Variants in DNM3 observed in about 807,000 individuals in gnomAD.
The protein encoded by DNM3 is dynamin 3.
In DNM3, 47 loss-of-function variants were observed where a neutral mutation model predicts 101.6. The ratio of observed to expected loss-of-function variants is 0.46; its 90% CI spans 0.37 to 0.59. The LOEUF is 0.59. Ranked by LOEUF, DNM3 falls within the 20% of genes least tolerant of loss-of-function variation. The pLI, the probability that DNM3 is intolerant of heterozygous loss-of-function variation, is 0.00. For synonymous variants in DNM3, 385 were observed against 387.9 expected (o/e 0.99, Z 0.09); for missense variants, 849 against 1,085.7 (o/e 0.78, Z 3.06).
In DNM3 at chr1:171,894,689, A is replaced by G. The variant is rs545630988; in HGVS notation, c.162-27059A>G. Among the ~76,000 whole-genome samples, 544 of 151,942 alleles carry G rather than the reference A, an allele frequency of 3.6e-3. 7 individuals carry two copies. The highest frequency in any genetic ancestry group is 0.012 in the African/African-American group (514 of 41,430). On this transcript the variant is annotated intron_variant, in intron 1 of 20. Coordinates refer to ENST00000627582, the MANE Select transcript of DNM3 (RefSeq NM_015569.5). ...CCATGTTGGTTTGTTGCACCCATCA[A>G]CTCGTCATTTACATTAGGTATTTCT...
At chr1:172,058,001 T>C (rs931774323) in intron 10 of DNM3, among the ~76,000 whole-genome samples, 1 of 142,124 alleles carries the variant, frequency 7.0e-6, no homozygotes, top group Non-Finnish European at 1.5e-5. Context: ...TGGAGGAAGA[T>C]CTACCAAGCA....
intron 16 of DNM3, among the ~76,000 whole-genome samples, chr1:172,319,912 G>A (rs1454105875): frequency 6.6e-6 from 1 of 152,018 alleles, no homozygotes; most frequent in Non-Finnish European, 1.5e-5. Flanking sequence ...AAATCATGCT[G>A]CTATAAAGAC....
intron 14 of DNM3, among the ~76,000 whole-genome samples, chr1:172,195,536 A>T (rs1245020192): frequency 2.0e-5 from 3 of 151,830 alleles, no homozygotes; most frequent in Non-Finnish European, 2.9e-5. Flanking sequence ...TCTCACCATT[A>T]AGTATGATGT....
chr1:171,997,156 A>C (rs778627660), intron 4 of DNM3, among the ~76,000 whole-genome samples: 4 of 152,188 alleles, frequency 2.6e-5, no homozygotes, highest in African/African-American at 7.2e-5. Context: ...AGAACTTATA[A>C]ATTTAATAAG....
At chr1:172,412,993 G>A (rs2071297306), downstream of DNM3, among the ~76,000 whole-genome samples, 1 of 152,176 alleles carries the variant, frequency 6.6e-6, no homozygotes, top group Non-Finnish European at 1.5e-5. Context: ...CTTAGCAGGA[G>A]GGTATGATGT....
At chr1:172,254,417 A>G (rs1452441111) in intron 15 of DNM3, among the ~76,000 whole-genome samples, 1 of 152,208 alleles carries the variant, frequency 6.6e-6, no homozygotes, top group South Asian at 2.1e-4. Context: ...AGAATTATTC[A>G]GTTATGGCAA....
intron 14 of DNM3, chr1:172,133,448 G>A: frequency 8.1e-6 from 8 of 985,298 alleles, no homozygotes; most frequent in Non-Finnish European, 9.6e-6. Flanking sequence ...GGTATGGTAT[G>A]GAGGGTAGTT....
At chr1:172,073,231 G>A (rs2052353262) in intron 11 of DNM3, among the ~76,000 whole-genome samples, 1 of 151,332 alleles carries the variant, frequency 6.6e-6, no homozygotes. Context: ...GTATATATGT[G>A]TGTATTTACA....
chr1:172,305,290 G>A (rs926441010), intron 15 of DNM3, among the ~76,000 whole-genome samples: 3 of 152,106 alleles, frequency 2.0e-5, no homozygotes, highest in Non-Finnish European at 2.9e-5. Flanking sequence ...TAGAAGAAAT[G>A]GATAAATTCC....
chr1:172,189,845 AG>A (rs896884348), intron 14 of DNM3, among the ~76,000 whole-genome samples: 39 of 152,032 alleles, frequency 2.6e-4, no homozygotes, highest in African/African-American at 8.9e-4. Flanking sequence ...GAAAGAGAGA[AG>A]GGGGAGGTCC....
At chr1:172,039,985 C>T (rs568478771) in intron 7 of DNM3, among the ~76,000 whole-genome samples, 82 of 152,040 alleles carry the variant, frequency 5.4e-4, no homozygotes, top group African/African-American at 1.9e-3. Context: ...TAAGGGAGCC[C>T]GGATGAGGAA....
intron 18 of DNM3, 43 bp from the exon 19 acceptor site, chr1:172,387,090 A>T: frequency 6.6e-7 from 1 of 1,514,400 alleles, no homozygotes; most frequent in Non-Finnish European, 9.2e-7. Flanking sequence ...CCACTCAGTC[A>T]CTCATTTATT....
rs573084611 is a variant in DNM3, at chr1:172,380,965, A to G, written c.2058+1783A>G. On this transcript the variant is annotated intron_variant, in intron 18 of 20. Coordinates refer to ENST00000627582, the MANE Select transcript of DNM3 (RefSeq NM_015569.5). ...CTATAGCTGTGAGGAGTAGCTTGAC[A>G]CAAATTAGCTAAAAGGAAAAAAAAA... 5 of 151,246 alleles carry G rather than the reference A, an allele frequency of 3.3e-5. No homozygotes were observed. In the South Asian group the frequency reaches 1.0e-3, roughly 32 times the overall value. The allele number at this position is 151,246 out of a possible 1,614,324, so 9.4% of individuals were successfully genotyped here.
intron 20 of DNM3, among the ~76,000 whole-genome samples, chr1:172,406,964 T>TA (rs1172970720): frequency 1.3e-5 from 2 of 151,728 alleles, no homozygotes; most frequent in African/African-American, 2.4e-5. Context: ...ACAAATACAC[T>TA]AAAAAAACTT....
At chr1:172,235,739 G>T (rs948580199) in intron 14 of DNM3, among the ~76,000 whole-genome samples, 4 of 151,868 alleles carry the variant, frequency 2.6e-5, no homozygotes, top group Non-Finnish European at 5.9e-5. Context: ...GCAAACTATC[G>T]CAAGGACAAA....
intron 13 of DNM3, among the ~76,000 whole-genome samples, 152 bp from the exon 14 acceptor site, chr1:172,131,023 C>T (rs530072930): frequency 7.0e-4 from 107 of 152,226 alleles, no homozygotes; most frequent in African/African-American, 2.5e-3. Context: ...AAGATAAATT[C>T]TCTTGAATAA....
At chr1:172,303,305 A>T (rs868494480) in intron 15 of DNM3, among the ~76,000 whole-genome samples, 1 of 152,224 alleles carries the variant, frequency 6.6e-6, no homozygotes, top group South Asian at 2.1e-4. Flanking sequence ...AAATTAATGA[A>T]ATAAAGCGAG....
chr1:172,076,615 C>T (rs1188815130), intron 11 of DNM3, among the ~76,000 whole-genome samples: 1 of 152,146 alleles, frequency 6.6e-6, no homozygotes, highest in African/African-American at 2.4e-5. Flanking sequence ...TGATGGATTA[C>T]ATTTATTGAT....
At chr1:172,232,711 G>C (rs569553300) in intron 14 of DNM3, among the ~76,000 whole-genome samples, 1 of 152,056 alleles carries the variant, frequency 6.6e-6, no homozygotes, top group Non-Finnish European at 1.5e-5. Context: ...GTGCAATCAA[G>C]CTAGAACTCA....
Sources: allele counts gnomAD v4.1 joint callset (sites outside exome capture counted in the v4.1 genomes callset), GRCh38; gene constraint gnomAD v4.1.1; transcripts MANE v1.5; gene names NCBI Gene and HGNC (gene_info 2026-07-23, HGNC 2026-07-21).